SLC4A8: variants seen among roughly 807,000 people sequenced by gnomAD.
SLC4A8 encodes electroneutral sodium bicarbonate exchanger 1.
A neutral mutation model predicts 125.0 loss-of-function variants in SLC4A8; 40 were observed. The ratio of observed to expected loss-of-function variants is 0.32; its 90% CI spans 0.25 to 0.42. The LOEUF is 0.42. SLC4A8 is among the 10% of genes least tolerant of loss of function. The probability of loss-of-function intolerance (pLI) is 1.00; values close to 1 mark genes in which losing one functional copy is unlikely to be tolerated. For missense variants in SLC4A8, 863 were observed against 1,355.1 expected (o/e 0.64, Z 5.70); for synonymous variants, 456 against 476.0 (o/e 0.96, Z 0.55).
At chr12:51,452,907 C>A (rs1950011942) in intron 4 of SLC4A8, among the ~76,000 whole-genome samples, 1 of 152,122 alleles carries the variant, frequency 6.6e-6, no homozygotes, top group South Asian at 2.1e-4. Context: ...GGGGAAGGAG[C>A]GAGATGGGTA....
Position 51,449,112 on chromosome 12 carries a change from GAGA to G in SLC4A8, c.131-1759_131-1757del, listed in dbSNP as rs1949882053. On this transcript the variant is annotated intron_variant, in intron 2 of 24. Coordinates refer to ENST00000453097, the MANE Select transcript of SLC4A8 (RefSeq NM_001039960.3). Reference sequence around the variant, plus strand: ...GAGGAGAGCAAGCCAGACTGAGGAAGAGAAGAACTTCTTCCATCTCTTCTCAGG... The same window carrying G: ...GAGGAGAGCAAGCCAGACTGAGGAAGAGAACTTCTTCCATCTCTTCTCAGG... Among the ~76,000 whole-genome samples the G allele has an allele frequency of 2.0e-5, 3 of 152,176 alleles. No homozygotes were observed. The South Asian group carries it at 6.2e-4, about 32-fold the overall frequency.
At chr12:51,442,150 G>T (rs772453464) in intron 2 of SLC4A8, among the ~76,000 whole-genome samples, 6 of 152,134 alleles carry the variant, frequency 3.9e-5, no homozygotes, top group African/African-American at 7.2e-5. Context: ...CTAATTGCAG[G>T]TGAGGCTGGG....
In SLC4A8 at chr12:51,505,923, G is replaced by A; in HGVS notation, c.3262G>A (p.Glu1088Lys). The change falls in exon 24 of 25, where the codon GAA becomes AAA. Residue 1088 changes from glutamate (E) to lysine (K), a missense_variant. Around this residue, in one of 6 missense-constraint regions of SLC4A8, gnomAD observed 92 missense variants for 125.6 expected, o/e 0.73. Coordinates refer to ENST00000453097, the MANE Select transcript of SLC4A8 (RefSeq NM_001039960.3). ...CAGTATGAATTCTGGAAATGCAAAG[G>A]AAAAGAGGTAAAGAGAACTGTAACA... ...ALSMNSGNAK[E>K]KSLFN 1 of 1,502,342 alleles carries A rather than the reference G, an allele frequency of 6.7e-7. No homozygotes were observed. The highest frequency in any genetic ancestry group is 9.2e-7 in the Non-Finnish European group (1 of 1,082,664). The allele number at this position is 1,502,342 out of a possible 1,614,324, so 93.1% of individuals were successfully genotyped here. A position where few individuals can be genotyped will look rare whatever the true frequency, so the allele number is the denominator to read the frequency against.
intron 1 of SLC4A8, among the ~76,000 whole-genome samples, chr12:51,431,434 G>A (rs936917339): frequency 3.3e-5 from 5 of 152,166 alleles, no homozygotes; most frequent in Non-Finnish European, 7.4e-5. Context: ...CTGAACAGGA[G>A]TGACTCCAAG....
intron 1 of SLC4A8, among the ~76,000 whole-genome samples, chr12:51,410,511 G>T (rs182014690): frequency 5.1e-4 from 77 of 151,758 alleles, no homozygotes; most frequent in Admixed American, 1.4e-3. Context: ...AGGCTGGAGT[G>T]CAGTGGCGCG....
At position 51,477,770 on chromosome 12, in the gene SLC4A8, C is replaced by T. The variant is rs374925454; in HGVS notation, c.2172+2564C>T. The stretch of plus-strand genomic sequence containing the variant: ...TCATCTCTGCCATTTTTCCATGTAT[C>T]GCCTCCTGATTTGACTTCACTGATT... On this transcript the variant is annotated intron_variant, in intron 16 of 24. Transcript: ENST00000453097. 9.2e-5 allele frequency among the ~76,000 whole-genome samples: 14 copies of T among 152,190 alleles called. No homozygotes were observed. The South Asian group carries it at 1.2e-3, about 14-fold the overall frequency.
Position 51,432,492 on chromosome 12 carries a change from A to AGGTGGGTGGATCAC in SLC4A8, c.48+7459_48+7472dup, listed in dbSNP as rs563488176. On this transcript the variant is annotated intron_variant, in intron 1 of 24. Coordinates refer to ENST00000453097, the MANE Select transcript of SLC4A8 (RefSeq NM_001039960.3). Reference sequence around the variant, plus strand: ...GTAATCCCAGCACCTTGGGAGGCCGAGGTGGGTGGATCACGAGGTCAGGAG... The same window carrying AGGTGGGTGGATCAC: ...GTAATCCCAGCACCTTGGGAGGCCGAGGTGGGTGGATCACGGTGGGTGGATCACGAGGTCAGGAG... 6.6e-5 allele frequency among the ~76,000 whole-genome samples: 10 copies of AGGTGGGTGGATCAC among 151,280 alleles called. No homozygotes were observed. In the East Asian group the frequency reaches 1.8e-3, roughly 27 times the overall value.
Position 51,450,802 on chromosome 12 carries a change from A to G in SLC4A8, c.131-74A>G, listed in dbSNP as rs1592204711. ...ACTGTGATATTTTTTTCTCTTAACT[A>G]TGCTAGGCTTTTTGTTGTTGTTGTT... On this transcript the variant is annotated intron_variant, in intron 2 of 24. Transcript: ENST00000453097. 4.6e-6 allele frequency: 7 copies of G among 1,527,350 alleles called. No homozygotes were observed. The East Asian group carries it at 1.1e-4, about 25-fold the overall frequency. 94.6% of individuals were successfully genotyped at this position (1,527,350 alleles called of 1,614,324 possible). A position where few individuals can be genotyped will look rare whatever the true frequency, so the allele number is the denominator to read the frequency against.
At chr12:51,494,780 T>C (rs1951418873) in intron 20 of SLC4A8, 165 bp from the exon 21 acceptor site, 1 of 535,816 alleles carries the variant, frequency 1.9e-6, no homozygotes, top group South Asian at 3.9e-5. Flanking sequence ...TTAATAACCT[T>C]GGCCAAATTG....
At chr12:51,501,427 G>A (rs754118859) in intron 22 of SLC4A8, among the ~76,000 whole-genome samples, 16 of 152,102 alleles carry the variant, frequency 1.1e-4, no homozygotes, top group Admixed American at 2.0e-4. Context: ...TTGTTCCTGC[G>A]TCAGTTCACT....
intron 16 of SLC4A8, among the ~76,000 whole-genome samples, chr12:51,479,053 G>A (rs1168862883): frequency 1.3e-5 from 2 of 152,202 alleles, no homozygotes; most frequent in Admixed American, 1.3e-4. Flanking sequence ...GCCATGGTGT[G>A]TCCTAGTTTA....
At chr12:51,474,953 C>T (rs1950816972) in intron 15 of SLC4A8, 92 bp from the exon 16 acceptor site, 1 of 1,188,748 alleles carries the variant, frequency 8.4e-7, no homozygotes, top group Non-Finnish European at 1.2e-6. Context: ...TCCCAACAAC[C>T]ATGGGATGAC....
chr12:51,392,624 C>T (rs1948160014), intron 1 of SLC4A8, among the ~76,000 whole-genome samples: 1 of 151,782 alleles, frequency 6.6e-6, no homozygotes, highest in African/African-American at 2.4e-5. Context: ...TGGGCCCCAC[C>T]GCAGACCTAA....
At chr12:51,461,547 C>A in intron 9 of SLC4A8, 1 of 366,104 alleles carries the variant, frequency 2.7e-6, no homozygotes, top group Non-Finnish European at 5.0e-6. Context: ...CTATTATTGC[C>A]AAGTAGGATA....
chr12:51,493,406 TTGTGTG>T (rs1001247882), intron 19 of SLC4A8, among the ~76,000 whole-genome samples: 4 of 148,914 alleles, frequency 2.7e-5, no homozygotes, highest in East Asian at 2.0e-4. Context: ...GTGTGTGTGT[TTGTGTG>T]TGTGTGTGTA....
intron 23 of SLC4A8, among the ~76,000 whole-genome samples, chr12:51,504,856 G>A (rs1938097556): frequency 1.3e-5 from 2 of 152,294 alleles, no homozygotes; most frequent in South Asian, 2.1e-4. Flanking sequence ...TCCATTCATG[G>A]TTTTACTCCT....
intron 16 of SLC4A8, among the ~76,000 whole-genome samples, chr12:51,482,178 A>G (rs1175125491): frequency 6.6e-6 from 1 of 152,208 alleles, no homozygotes; most frequent in East Asian, 1.9e-4. Context: ...TACACATAAA[A>G]TATATACCAG....
At chr12:51,445,398 A>G (rs1949741511) in intron 2 of SLC4A8, among the ~76,000 whole-genome samples, 1 of 152,118 alleles carries the variant, frequency 6.6e-6, no homozygotes, top group African/African-American at 2.4e-5. Context: ...AAACTACTGA[A>G]TGCAAGTGAT....
intron 10 of SLC4A8, among the ~76,000 whole-genome samples, 167 bp from the exon 11 acceptor site, chr12:51,463,447 G>A (rs971266913): frequency 1.4e-5 from 2 of 138,838 alleles, no homozygotes; most frequent in Non-Finnish European, 3.2e-5. Flanking sequence ...GTGTGTGTGT[G>A]TGTTTCGGTA....
Sources: gnomAD v4.1 joint callset for allele counts (sites outside exome capture counted in the v4.1 genomes callset) on GRCh38, gnomAD v4.1.1 for gene constraint, gnomAD v4.1.1 regional missense constraint, MANE v1.5 for transcripts, NCBI Gene and HGNC (gene_info 2026-07-23, HGNC 2026-07-21) for gene names.